Variants in GLB1 observed in about 807,000 individuals in gnomAD.
GLB1 encodes beta-galactosidase.
Under a neutral mutation model 74.0 loss-of-function variants are expected in GLB1, and 56 were observed. That is an observed-to-expected ratio of 0.76 (90% CI 0.61 to 0.94). The LOEUF is 0.94. Among genes scored for constraint, GLB1 ranks in the 40% least tolerant of loss-of-function variants. The pLI is 0.00. For synonymous variants in GLB1, 323 were observed against 323.6 expected (o/e 1.00, Z 0.02); for missense variants, 787 against 845.5 (o/e 0.93, Z 0.86).
intron 1 of GLB1, chr3:33,096,681 C>T (rs1034818357): frequency 2.6e-6 from 3 of 1,153,872 alleles, no homozygotes; most frequent in African/African-American, 1.6e-5. Flanking sequence ...CTTGGAATCC[C>T]CTCCCGGAAA....
chr3:32,981,758 G>A, the GLB1 span, among the ~76,000 whole-genome samples: 32,451 of 150,770 alleles, frequency 0.22, 4,341 homozygotes, highest in Middle Eastern at 0.39. Flanking sequence ...GGGAGACAGA[G>A]CGAGACTCCA....
intron 1 of GLB1, among the ~76,000 whole-genome samples, chr3:33,080,970 C>T (rs1456143241): frequency 6.6e-6 from 1 of 152,144 alleles, no homozygotes; most frequent in Admixed American, 6.5e-5. Flanking sequence ...ATACCAAGGC[C>T]CTCAACTCTG....
rs777282849 is a variant in GLB1 at position 33,097,074 on chromosome 3, G to T, written c.12C>A (p.Phe4Leu). 4.3e-6 allele frequency: 7 copies of T among 1,612,488 alleles called. No individual in the cohort carries two copies. Among genetic ancestry groups the T allele is most frequent in the African/African-American group, 1.3e-5 (1 of 74,818 alleles). The change falls in exon 1 of 16, where the codon TTC becomes TTA. Residue 4 changes from phenylalanine to leucine, a missense_variant. By Grantham distance (22) the Phe-to-Leu change is conservative. Transcript: ENST00000307363. MPG[F>L]LVRILPLLLV... ...GCAACAGAGGGAGGATGCGAACCAG[G>T]AACCCCGGCATGACCACCAGCCTCC...
At chr3:32,991,745 A>G (rs997227884), downstream of GLB1, among the ~76,000 whole-genome samples, 3 of 152,228 alleles carry the variant, frequency 2.0e-5, no homozygotes, top group Admixed American at 2.0e-4. Context: ...AGTGGCCTTA[A>G]ACTTCAAGTC....
chr3:33,043,771 G>GAAAGATACCTCAGAGAAATACCAAGCA (rs1698602002), intron 10 of GLB1, among the ~76,000 whole-genome samples: 1 of 82,258 alleles, frequency 1.2e-5, no homozygotes, highest in African/African-American at 3.9e-5. Flanking sequence ...ACAGCATTGG[G>GAAAGATACCTCAGAGAAATACCAAGCA]AAAGATACCT....
chr3:33,094,162 T>A (rs767522416), intron 1 of GLB1: 1 of 1,611,614 alleles, frequency 6.2e-7, no homozygotes, highest in African/African-American at 1.3e-5. Flanking sequence ...AGGGTGGCCT[T>A]CGCGCCTAGG....
chr3:33,086,340 G>A (rs1700502542), intron 1 of GLB1, among the ~76,000 whole-genome samples: 1 of 151,990 alleles, frequency 6.6e-6, no homozygotes, highest in African/African-American at 2.4e-5. Flanking sequence ...TTTGTTATAG[G>A]CTTTTTCAGA....
At chr3:33,090,297 G>A (rs1700692865) in intron 1 of GLB1, 2 of 660,134 alleles carry the variant, frequency 3.0e-6, no homozygotes, top group South Asian at 6.7e-5. Flanking sequence ...GGTGGGGCAG[G>A]GGTAGCTGAG....
intron 1 of GLB1, among the ~76,000 whole-genome samples, chr3:33,095,200 G>C (rs1315989899): frequency 1.8e-4 from 18 of 99,104 alleles, no homozygotes; most frequent in Non-Finnish European, 2.9e-4. Flanking sequence ...AAAAGAGCGA[G>C]ACTCTGTCTC....
rs534254561 is a variant in GLB1 at position 33,090,562 on chromosome 3, G to A, written c.75+6449C>T. On this transcript the variant is annotated intron_variant, in intron 1 of 15. Coordinates refer to ENST00000307363, the MANE Select transcript of GLB1 (RefSeq NM_000404.4). ...TAAAAATAAAGAAACAAATGAAATTGAAAGAATGATCAAGCTTCAAGTAAC... is the reference window on the plus strand; with the variant it reads ...TAAAAATAAAGAAACAAATGAAATTAAAAGAATGATCAAGCTTCAAGTAAC... 8.1e-6 allele frequency: 8 copies of A among 985,408 alleles called. No individual in the cohort carries two copies. In the East Asian group the frequency reaches 9.1e-4, roughly 112 times the overall value. The allele number at this position is 985,408 out of a possible 1,614,324, so 61.0% of individuals were successfully genotyped here.
chr3:33,069,875 C>T (rs1216461122), intron 2 of GLB1, among the ~76,000 whole-genome samples: 1 of 152,032 alleles, frequency 6.6e-6, no homozygotes, highest in East Asian at 1.9e-4. Flanking sequence ...AGGTAAATTG[C>T]GTGTCATGGG....
the GLB1 span, among the ~76,000 whole-genome samples, chr3:32,984,004 A>G: frequency 3.9e-5 from 6 of 152,092 alleles, no homozygotes; most frequent in African/African-American, 1.4e-4. Context: ...ATATTATTTG[A>G]GAGGATTTCC....
At chr3:33,013,936 A>C in intron 15 of GLB1, 120 bp downstream of exon 15, 2 of 1,553,892 alleles carry the variant, frequency 1.3e-6, no homozygotes, top group African/African-American at 1.4e-5. Flanking sequence ...AGAATGTCCG[A>C]AACGCCACAC....
At chr3:33,087,708 C>T (rs958550024) in intron 1 of GLB1, among the ~76,000 whole-genome samples, 1 of 151,840 alleles carries the variant, frequency 6.6e-6, no homozygotes, top group African/African-American at 2.4e-5. Flanking sequence ...TACCAATCCT[C>T]CTGAAACTAT....
At chr3:33,014,420 C>A in intron 14 of GLB1, 110 bp from the exon 15 acceptor site, 1 of 1,513,362 alleles carries the variant, frequency 6.6e-7, no homozygotes, top group South Asian at 1.2e-5. Context: ...AAAACACCAA[C>A]AGGAAATGAA....
chr3:33,014,745 T>C (rs528018964), intron 14 of GLB1, among the ~76,000 whole-genome samples: 9 of 152,268 alleles, frequency 5.9e-5, no homozygotes, highest in Middle Eastern at 3.4e-3. Flanking sequence ...GGCAGACAGA[T>C]CACTTGAGGT....
intron 1 of GLB1, among the ~76,000 whole-genome samples, chr3:33,076,598 G>A (rs900762564): frequency 3.3e-5 from 5 of 152,150 alleles, no homozygotes; most frequent in Admixed American, 6.5e-5. Flanking sequence ...AGGCACAGGC[G>A]CGAACCTGAA....
chr3:33,005,256 G>C (rs916257378), intron 15 of GLB1, among the ~76,000 whole-genome samples: 1 of 152,144 alleles, frequency 6.6e-6, no homozygotes. Context: ...AAAATTCCAA[G>C]GGTTTTAGGG....
chr3:33,030,642 A>G, intron 10 of GLB1: 2 of 985,412 alleles, frequency 2.0e-6, no homozygotes, highest in Non-Finnish European at 2.4e-6. Context: ...TGAAGTACAG[A>G]AAAAATCACT....
Sources: gnomAD v4.1 joint callset for allele counts (sites outside exome capture counted in the v4.1 genomes callset) on GRCh38, gnomAD v4.1.1 for gene constraint, MANE v1.5 for transcripts, NCBI Gene and HGNC (gene_info 2026-07-23, HGNC 2026-07-21) for gene names.